ADAMTS19: variants seen among roughly 807,000 people sequenced by gnomAD.
ADAMTS19 encodes the protein ADAM metallopeptidase with thrombospondin type 1 motif 19, also known as A disintegrin and metalloproteinase with thrombospondin motifs 19.
A neutral mutation model predicts 153.3 loss-of-function variants in ADAMTS19; 93 were observed. The observed-to-expected ratio is 0.61, with a 90% CI of 0.51 to 0.72. The LOEUF is 0.72. Ranked by LOEUF, ADAMTS19 falls within the 30% of genes least tolerant of loss-of-function variation. The pLI, the probability that ADAMTS19 is intolerant of heterozygous loss-of-function variation, is 0.00. For missense variants in ADAMTS19, 1,482 were observed against 1,552.1 expected, an observed-to-expected ratio of 0.95 and a Z score of 0.76; for synonymous variants, 600 against 556.6, an observed-to-expected ratio of 1.08 and a Z score of -1.10.
intron 6 of ADAMTS19, among the ~76,000 whole-genome samples, chr5:129,535,026 C>A (rs1165569150): frequency 1.3e-5 from 2 of 152,150 alleles, no homozygotes; most frequent in African/African-American, 4.8e-5. Flanking sequence ...CCCTCTCTCA[C>A]CACTCCTATT....
At chr5:129,530,766 C>T (rs929720341) in intron 6 of ADAMTS19, among the ~76,000 whole-genome samples, 9 of 151,592 alleles carry the variant, frequency 5.9e-5, no homozygotes, top group Admixed American at 2.0e-4. Context: ...TCCCCTCTTA[C>T]CACTTCTATC....
chr5:129,727,841 A>G (rs576630853), intron 21 of ADAMTS19, among the ~76,000 whole-genome samples: 2 of 152,300 alleles, frequency 1.3e-5, no homozygotes, highest in East Asian at 3.9e-4. Context: ...TAGTACTGTC[A>G]GAGGCTTTGG....
chr5:129,519,998 T>G (rs1038697068), intron 3 of ADAMTS19, among the ~76,000 whole-genome samples: 1 of 152,136 alleles, frequency 6.6e-6, no homozygotes, highest in African/African-American at 2.4e-5. Context: ...AAATGAAGAT[T>G]TCTGGATCCC....
rs1320728729 is a variant in ADAMTS19 at position 129,546,130 on chromosome 5, G to A, written c.1329-5734G>A. ...AAATCATCATTCTCAGTAAACTATC[G>A]CAAGAACAAAAAACCAAACACCGCA... On this transcript the variant is annotated intron_variant, in intron 6 of 22. Coordinates refer to ENST00000274487, the MANE Select transcript of ADAMTS19 (RefSeq NM_133638.6). Among the ~76,000 whole-genome samples, 35 of 148,186 alleles carry A rather than the reference G, an allele frequency of 2.4e-4. No individual in the cohort carries two copies. In the South Asian group the frequency reaches 4.2e-3, roughly 18 times the overall value.
At chr5:129,591,321 C>T (rs1368576697) in intron 7 of ADAMTS19, among the ~76,000 whole-genome samples, 2 of 146,938 alleles carry the variant, frequency 1.4e-5, no homozygotes, top group African/African-American at 5.1e-5. Context: ...GAGATGGAGT[C>T]TTGCTCTATT....
intron 21 of ADAMTS19, among the ~76,000 whole-genome samples, chr5:129,719,814 G>A (rs572701453): frequency 6.6e-6 from 1 of 152,234 alleles, no homozygotes; most frequent in Non-Finnish European, 1.5e-5. Flanking sequence ...GCCGAGGTGG[G>A]CAGATCACTT....
chr5:129,476,429 G>T (rs1347363038), intron 2 of ADAMTS19, among the ~76,000 whole-genome samples: 6 of 151,726 alleles, frequency 4.0e-5, no homozygotes, highest in Non-Finnish European at 8.8e-5. Context: ...CTATGAGAAA[G>T]ACCAAAGTTG....
intron 20 of ADAMTS19, among the ~76,000 whole-genome samples, chr5:129,703,697 A>G (rs1034398381): frequency 6.6e-6 from 1 of 152,100 alleles, no homozygotes; most frequent in Non-Finnish European, 1.5e-5. Context: ...ACGCTACTGC[A>G]CTCCAACCGG....
At chr5:129,554,447 G>T (rs1372030100) in intron 7 of ADAMTS19, among the ~76,000 whole-genome samples, 2 of 152,032 alleles carry the variant, frequency 1.3e-5, no homozygotes, top group Non-Finnish European at 1.5e-5. Flanking sequence ...CCCTATATTT[G>T]CCTCAACAAG....
At chr5:129,716,589 T>C (rs946129090) in intron 21 of ADAMTS19, among the ~76,000 whole-genome samples, 10 of 150,778 alleles carry the variant, frequency 6.6e-5, no homozygotes, top group East Asian at 5.8e-4. Context: ...TTTTTTTTTT[T>C]CCAAAACATT....
intron 19 of ADAMTS19, among the ~76,000 whole-genome samples, chr5:129,695,886 T>G (rs1459411353): frequency 6.6e-6 from 1 of 152,180 alleles, no homozygotes; most frequent in Non-Finnish European, 1.5e-5. Context: ...AATGGCTTCA[T>G]GGTGAATTAA....
At chr5:129,586,513 C>T (rs186571327) in intron 7 of ADAMTS19, among the ~76,000 whole-genome samples, 3 of 152,260 alleles carry the variant, frequency 2.0e-5, no homozygotes, top group Non-Finnish European at 2.9e-5. Context: ...TAGCTCATTT[C>T]ATTTTAGCAC....
rs200433597 is a variant in ADAMTS19 at position 129,701,517 on chromosome 5, G to C, written c.3084G>C (p.Gly1028=). The part of the protein sequence containing the change: ...LIRARERDCI[G]PKPASAQRCE... ...GAGCCCGAGAGAGGGACTGCATTGG[G>C]CCCAAGCCCGCCTCTGCCCAGCGCT... The change falls in exon 20 of 23, where the codon GGG becomes GGC. Residue 1028 remains glycine (G), a synonymous_variant. Transcript: ENST00000274487. 5.9e-5 allele frequency: 95 copies of C among 1,614,038 alleles called. No individual in the cohort carries two copies. Among genetic ancestry groups the C allele is most frequent in the Admixed American group, 1.3e-4 (8 of 60,000 alleles).
At chr5:129,547,221 A>G (rs1363148) in intron 6 of ADAMTS19, among the ~76,000 whole-genome samples, 71,898 of 150,022 alleles carry the variant, frequency 0.48, 20,509 homozygotes, top group African/African-American at 0.78. Flanking sequence ...TGATGCAATC[A>G]TTGACCTTGA....
At chr5:129,477,788 TTAA>T in intron 2 of ADAMTS19, among the ~76,000 whole-genome samples, 2 of 152,330 alleles carry the variant, frequency 1.3e-5, no homozygotes, top group Non-Finnish European at 2.9e-5. Context: ...TCTGAACCTA[TTAA>T]TAACTCAGCA....
chr5:129,603,452 T>G (rs183312568), intron 8 of ADAMTS19, among the ~76,000 whole-genome samples: 1 of 152,312 alleles, frequency 6.6e-6, no homozygotes, highest in East Asian at 1.9e-4. Context: ...ATACCATATT[T>G]TTATATACAC....
At chr5:129,547,618 C>T (rs1752909235) in intron 6 of ADAMTS19, among the ~76,000 whole-genome samples, 1 of 150,390 alleles carries the variant, frequency 6.6e-6, no homozygotes, top group Non-Finnish European at 1.5e-5. Flanking sequence ...TAAATAGATT[C>T]AATGCCATCC....
chr5:129,607,108 G>T (rs1352242967), intron 8 of ADAMTS19, among the ~76,000 whole-genome samples: 11 of 151,964 alleles, frequency 7.2e-5, no homozygotes, highest in Admixed American at 5.9e-4. Flanking sequence ...GTAGAGACAG[G>T]GTTTCACCGT....
chr5:129,470,009 T>G (rs1750010566), intron 2 of ADAMTS19, among the ~76,000 whole-genome samples: 1 of 152,222 alleles, frequency 6.6e-6, no homozygotes, highest in Non-Finnish European at 1.5e-5. Context: ...GCTGATCGAA[T>G]AAGCTACATC....
Sources: gnomAD v4.1 joint callset for allele counts (sites outside exome capture counted in the v4.1 genomes callset) on GRCh38, gnomAD v4.1.1 for gene constraint, MANE v1.5 for transcripts, NCBI Gene and HGNC (gene_info 2026-07-23, HGNC 2026-07-21) for gene names.